Variants in SHOC1 observed in about 807,000 individuals in gnomAD.
The protein encoded by SHOC1 is protein shortage in chiasmata 1 ortholog.
Under a neutral mutation model 179.2 loss-of-function variants are expected in SHOC1, and 136 were observed. The observed-to-expected ratio is 0.76, with a 90% CI of 0.66 to 0.87. The LOEUF is 0.87. Ranked by LOEUF, SHOC1 falls within the 40% of genes least tolerant of loss-of-function variation. The probability of loss-of-function intolerance (pLI) is 0.00; values close to 1 mark genes in which losing one functional copy is unlikely to be tolerated. For missense variants in SHOC1, 1,538 were observed against 1,700.8 expected, an observed-to-expected ratio of 0.90 and a Z score of 1.68; for synonymous variants, 489 against 586.6, an observed-to-expected ratio of 0.83 and a Z score of 2.41.
Position 111,691,645 on chromosome 9 carries a change from G to A in SHOC1, c.4332C>T (p.Asn1444=), listed in dbSNP as rs1322254. The part of the protein sequence containing the change: ...SDSNANQKEF[N]SLYFYQRAGK... ...CAGCTCTTTGGTAGAAATAAAGGCT[G>A]TTGAATTCTTTTTGATTTGCATTAG... Residue 1444 remains asparagine (N), a synonymous_variant, in exon 27 of 28, where the codon AAC becomes AAT. Coordinates refer to ENST00000682961, the MANE Select transcript of SHOC1 (RefSeq NM_001378211.1). 1.7e-5 allele frequency: 27 copies of A among 1,613,786 alleles called. No homozygotes were observed. The African/African-American group carries it at 3.2e-4, about 19-fold the overall frequency.
At position 111,759,157 on chromosome 9, in the gene SHOC1, C is replaced by A. The variant is rs746086061; in HGVS notation, c.443-309G>T. On this transcript the variant is annotated intron_variant, in intron 5 of 27. Transcript: ENST00000682961. Reference sequence around the variant, plus strand: ...GAGGAAAATATCTTATGGACTTACACTTCAAAATAGCCAGGCGTAGCCTAA... The same window carrying A: ...GAGGAAAATATCTTATGGACTTACAATTCAAAATAGCCAGGCGTAGCCTAA... 6 of 1,606,178 alleles carry A rather than the reference C, an allele frequency of 3.7e-6. No homozygotes were observed. In the Admixed American group the frequency reaches 8.5e-5, roughly 23 times the overall value.
intron 27 of SHOC1, 53 bp downstream of exon 27, chr9:111,691,498 A>G: frequency 6.7e-7 from 1 of 1,485,086 alleles, no homozygotes; most frequent in South Asian, 1.4e-5. Context: ...AGATGATTTT[A>G]TCTTTTAAAA....
chr9:111,748,456 A>G (rs1309269466), intron 8 of SHOC1, among the ~76,000 whole-genome samples: 3 of 152,196 alleles, frequency 2.0e-5, no homozygotes, highest in Non-Finnish European at 4.4e-5. Context: ...GGCAAAATCT[A>G]CATAATCACT....
intron 5 of SHOC1, among the ~76,000 whole-genome samples, chr9:111,766,060 A>G (rs553799418): frequency 6.6e-6 from 1 of 151,892 alleles, no homozygotes; most frequent in Non-Finnish European, 1.5e-5. Flanking sequence ...CCCCTTCCCT[A>G]CTACCCTTCC....
At position 111,748,167 on chromosome 9, in the gene SHOC1, C is replaced by G. The variant is rs375607309; in HGVS notation, c.895G>C (p.Gly299Arg). The change falls in exon 9 of 28, where the codon GGG becomes CGG. Residue 299 changes from glycine to arginine, a missense_variant. Transcript: ENST00000682961. ...TCTGTGGAGCTGAATTTTATATCCC[C>G]GATATCCTCAATTCCATGCTTGTTA... is the stretch of plus-strand genomic sequence containing the variant. ...LTNKHGIEDIGDIKFSSTEIL... is the reference protein window; with the variant it reads ...LTNKHGIEDIRDIKFSSTEIL... The G allele has an allele frequency of 1.2e-6, 2 of 1,613,232 alleles. No individual in the cohort carries two copies. Among genetic ancestry groups the G allele is most frequent in the Non-Finnish European group, 1.7e-6 (2 of 1,179,568 alleles).
intron 8 of SHOC1, among the ~76,000 whole-genome samples, chr9:111,750,565 C>T (rs1406323101): frequency 6.6e-6 from 1 of 152,166 alleles, no homozygotes; most frequent in Non-Finnish European, 1.5e-5. Flanking sequence ...AAACTCCTGA[C>T]CTCAAGTGAT....
chr9:111,716,064 A>C lies in SHOC1; in HGVS notation c.2237-1441T>G, dbSNP rs569954785. On this transcript the variant is annotated intron_variant, in intron 16 of 27. Transcript: ENST00000682961. Reference sequence around the variant, plus strand: ...ACAACCTAACTTGATCTTGGCTTTCAAGAGGTATAGAGGAAAGAGAAAGCC... The same window carrying C: ...ACAACCTAACTTGATCTTGGCTTTCCAGAGGTATAGAGGAAAGAGAAAGCC... Among the ~76,000 whole-genome samples the C allele has an allele frequency of 1.8e-4, 27 of 152,272 alleles. No individual in the cohort carries two copies. In the East Asian group the frequency reaches 5.2e-3, roughly 29 times the overall value.
chr9:111,703,835 T>C, intron 22 of SHOC1, 46 bp downstream of exon 22: 1 of 898,932 alleles, frequency 1.1e-6, no homozygotes, highest in South Asian at 1.6e-5. Flanking sequence ...TACATAGCCA[T>C]ATATTTTAGT....
intron 18 of SHOC1, among the ~76,000 whole-genome samples, chr9:111,708,506 CTTAATT>C (rs1832386017): frequency 6.6e-6 from 1 of 152,070 alleles, no homozygotes; most frequent in Non-Finnish European, 1.5e-5. Context: ...CCCATAGAAA[CTTAATT>C]TTAAAGTAAG....
intron 27 of SHOC1, among the ~76,000 whole-genome samples, chr9:111,688,068 G>A (rs943211066): frequency 6.6e-6 from 1 of 152,046 alleles, no homozygotes; most frequent in Non-Finnish European, 1.5e-5. Context: ...GTAAAGCTGT[G>A]GGAGAGCCTG....
Position 111,747,775 on chromosome 9 carries a change from G to T in SHOC1, c.970+317C>A, listed in dbSNP as rs1373823371. ...AATTTTTGTAATTTTAGTAGAGATG[G>T]TGTTTCGTCATATTGACCAGGCTGG... is the stretch of plus-strand genomic sequence containing the variant. On this transcript the variant is annotated intron_variant, in intron 9 of 27. Coordinates refer to ENST00000682961, the MANE Select transcript of SHOC1 (RefSeq NM_001378211.1). 3.9e-5 allele frequency among the ~76,000 whole-genome samples: 6 copies of T among 152,146 alleles called. No homozygotes were observed. The South Asian group carries it at 1.0e-3, about 26-fold the overall frequency.
At chr9:111,781,404 G>A (rs924332237) in intron 3 of SHOC1, among the ~76,000 whole-genome samples, 23 of 152,106 alleles carry the variant, frequency 1.5e-4, no homozygotes, top group Non-Finnish European at 2.9e-5. Context: ...TAGCACTTGG[G>A]TACTCAACCA....
chr9:111,706,783 C>T, intron 19 of SHOC1, 37 bp from the exon 20 acceptor site: 2 of 1,432,006 alleles, frequency 1.4e-6, no homozygotes, highest in Non-Finnish European at 9.4e-7. Flanking sequence ...TGGCATTATA[C>T]TTGTGTTATT....
intron 9 of SHOC1, among the ~76,000 whole-genome samples, chr9:111,746,648 A>C (rs552795859): frequency 3.3e-5 from 5 of 152,302 alleles, no homozygotes; most frequent in Non-Finnish European, 7.4e-5. Flanking sequence ...CAACCTGGGC[A>C]ACAGAGCAAG....
intron 8 of SHOC1, among the ~76,000 whole-genome samples, chr9:111,754,899 CTA>C (rs1834786334): frequency 6.6e-6 from 1 of 152,092 alleles, no homozygotes; most frequent in African/African-American, 2.4e-5. Context: ...GTAGGCAAAT[CTA>C]TATAGTTTTA....
chr9:111,740,220 G>A (rs1833971422), intron 11 of SHOC1, among the ~76,000 whole-genome samples: 1 of 152,032 alleles, frequency 6.6e-6, no homozygotes, highest in South Asian at 2.1e-4. Flanking sequence ...TTTTATGTAG[G>A]GGTCCCCTAT....
rs1833106894 is a variant in SHOC1 at position 111,722,519 on chromosome 9, G to A, written c.2021C>T (p.Ser674Phe). The A allele has an allele frequency of 6.8e-6, 11 of 1,610,972 alleles. No homozygotes were observed. Among genetic ancestry groups the A allele is most frequent in the African/African-American group, 1.3e-5 (1 of 74,894 alleles). The change falls in exon 15 of 28, where the codon TCC becomes TTC. Residue 674 changes from serine (S) to phenylalanine (F), a missense_variant. Transcript: ENST00000682961. ...AASPILKNLV[S>F]LCTLPTANWK... ...ATTAGCAGTAGGGAGGGTACACAAG[G>A]ATACAAGGTTTTTTAAGATAGGAGA...
chr9:111,740,759 A>AG (rs1361280385), intron 11 of SHOC1, among the ~76,000 whole-genome samples: 1 of 152,016 alleles, frequency 6.6e-6, no homozygotes, highest in Non-Finnish European at 1.5e-5. Flanking sequence ...TTTAGTAGAG[A>AG]GGGGGTTTCA....
At chr9:111,764,225 T>A (rs1241665043) in intron 5 of SHOC1, among the ~76,000 whole-genome samples, 1 of 152,230 alleles carries the variant, frequency 6.6e-6, no homozygotes, top group Non-Finnish European at 1.5e-5. Flanking sequence ...TGTCCCTGTA[T>A]TGCAGTTCTT....
Sources: gnomAD v4.1 joint callset for allele counts (sites outside exome capture counted in the v4.1 genomes callset) on GRCh38, gnomAD v4.1.1 for gene constraint, MANE v1.5 for transcripts, NCBI Gene and HGNC (gene_info 2026-07-23, HGNC 2026-07-21) for gene names.